NECAP1: variants seen among roughly 807,000 people sequenced by gnomAD.
The protein encoded by NECAP1 is adaptin ear-binding coat-associated protein 1.
NECAP1 carries 13 observed loss-of-function variants against 33.4 expected under a neutral mutation model. The observed-to-expected ratio is 0.39, with a 90% confidence interval of 0.25 to 0.62. The LOEUF (loss-of-function observed/expected upper bound fraction) is 0.62. Among genes scored for constraint, NECAP1 ranks in the 20% least tolerant of loss-of-function variants. The pLI is 0.52. For synonymous variants in NECAP1, 109 were observed against 125.2 expected, an observed-to-expected ratio of 0.87 and a Z score of 0.86; for missense variants, 272 against 347.4, an observed-to-expected ratio of 0.78 and a Z score of 1.73.
chr12:8,095,926 C>G, intron 7 of NECAP1, 116 bp from the exon 8 acceptor site: 2 of 1,347,880 alleles, frequency 1.5e-6, no homozygotes, highest in Non-Finnish European at 2.1e-6. Flanking sequence ...GTAGAATTGC[C>G]ATGAAGTGTG....
intron 1 of NECAP1, among the ~76,000 whole-genome samples, chr12:8,087,849 G>T (rs1025276854): frequency 6.6e-5 from 10 of 152,274 alleles, no homozygotes; most frequent in African/African-American, 1.4e-4. Context: ...AGAGGGAAGA[G>T]AATGGGAAGG....
chr12:8,090,887 T>C (rs1297320517), intron 3 of NECAP1: 2 of 153,738 alleles, frequency 1.3e-5, no homozygotes, highest in Non-Finnish European at 2.9e-5. Flanking sequence ...ATCTTACGTG[T>C]GGGGCAGTCA....
intron 1 of NECAP1, chr12:8,089,657 G>A (rs1031851797): frequency 5.9e-6 from 2 of 340,184 alleles, no homozygotes; most frequent in Non-Finnish European, 1.1e-5. Context: ...CACCATGCTC[G>A]GCCAGAATTT....
chr12:8,086,249 G>A (rs187542774), intron 1 of NECAP1, among the ~76,000 whole-genome samples: 7 of 152,300 alleles, frequency 4.6e-5, no homozygotes, highest in African/African-American at 1.7e-4. Flanking sequence ...TTCACCTAGT[G>A]TAAGCTGTTC....
intron 7 of NECAP1, 30 bp downstream of exon 7, chr12:8,095,733 T>C: frequency 6.4e-7 from 1 of 1,553,066 alleles, no homozygotes; most frequent in Non-Finnish European, 8.9e-7. Context: ...TAGCATACTC[T>C]CAATCAGGGT....
At chr12:8,095,226 A>G (rs1366870509) in intron 6 of NECAP1, 1 of 173,462 alleles carries the variant, frequency 5.8e-6, no homozygotes, top group Admixed American at 5.8e-5. Context: ...ATAAATTCTC[A>G]TCTCCAAGAT....
At chr12:8,090,350 G>A (rs1164839084) in intron 3 of NECAP1, 51 bp downstream of exon 3, 2 of 1,447,666 alleles carry the variant, frequency 1.4e-6, no homozygotes. Flanking sequence ...ACAGGTGAAT[G>A]CACAGCCATG....
intron 6 of NECAP1, 92 bp from the exon 7 acceptor site, chr12:8,095,509 A>G (rs1238330353): frequency 1.1e-5 from 10 of 925,046 alleles, no homozygotes; most frequent in Non-Finnish European, 1.7e-5. Flanking sequence ...CGGCCTCCCA[A>G]AGTGCTGGGA....
intron 1 of NECAP1, among the ~76,000 whole-genome samples, chr12:8,084,697 C>G (rs1209318351): frequency 1.3e-5 from 2 of 152,098 alleles, no homozygotes; most frequent in Non-Finnish European, 2.9e-5. Context: ...TTCCAGGGCT[C>G]TTCATTTTGT....
At chr12:8,090,646 T>C in intron 3 of NECAP1, 1 of 181,972 alleles carries the variant, frequency 5.5e-6, no homozygotes, top group Non-Finnish European at 1.2e-5. Context: ...CTGTCGCTAC[T>C]GAAAATAAAA....
At position 8,092,760 on chromosome 12, in the gene NECAP1, A is replaced by G. The variant is rs11544388; in HGVS notation, c.468A>G (p.Gly156=). The part of the protein sequence containing the change: ...RPKLDLGFKE[G]QTIKLCIGNI... ...AGTTGGATCTGGGCTTCAAGGAAGG[A>G]CAAACCATCAAGTTGTGTATCGGGG... The change falls in exon 5 of 8, where the codon GGA becomes GGG. Residue 156 remains glycine, a synonymous_variant. Coordinates refer to ENST00000339754, the MANE Select transcript of NECAP1 (RefSeq NM_015509.4). The G allele has an allele frequency of 6.2e-7, 1 of 1,613,916 alleles. No individual in the cohort carries two copies. The highest frequency in any genetic ancestry group is 8.5e-7 in the Non-Finnish European group (1 of 1,179,788).
chr12:8,088,627 T>A (rs1231659938), intron 1 of NECAP1, among the ~76,000 whole-genome samples: 4 of 152,330 alleles, frequency 2.6e-5, no homozygotes, highest in South Asian at 2.1e-4. Context: ...TAGTAATCTT[T>A]TTAGAATATA....
chr12:8,085,574 T>C (rs982284919), intron 1 of NECAP1, among the ~76,000 whole-genome samples: 3 of 152,190 alleles, frequency 2.0e-5, no homozygotes, highest in African/African-American at 7.2e-5. Flanking sequence ...TGAATAACGA[T>C]ATTTATTTGC....
At chr12:8,083,728 C>T (rs1449430792) in intron 1 of NECAP1, among the ~76,000 whole-genome samples, 2 of 109,864 alleles carry the variant, frequency 1.8e-5, no homozygotes, top group Non-Finnish European at 3.6e-5. Flanking sequence ...GCCCAGCCGT[C>T]GTTTTTTTTT....
chr12:8,092,623 A>C (rs1336623358), intron 4 of NECAP1, 53 bp from the exon 5 acceptor site: 1 of 1,380,396 alleles, frequency 7.2e-7, no homozygotes, highest in Non-Finnish European at 1.0e-6. Context: ...TTTGTATGTC[A>C]GACTCTGCTT....
At chr12:8,094,497 C>T (rs1947576724) in intron 6 of NECAP1, among the ~76,000 whole-genome samples, 1 of 152,150 alleles carries the variant, frequency 6.6e-6, no homozygotes, top group South Asian at 2.1e-4. Flanking sequence ...GATAGGGTCT[C>T]ACACTGTTGC....
intron 1 of NECAP1, among the ~76,000 whole-genome samples, chr12:8,085,305 A>C (rs560566192): frequency 6.6e-5 from 10 of 152,338 alleles, no homozygotes; most frequent in South Asian, 4.1e-4. Flanking sequence ...GGCGTGAGCC[A>C]CCGCACCCGG....
chr12:8,091,717 G>A (rs1414592629), intron 3 of NECAP1, 52 bp from the exon 4 acceptor site: 10 of 1,547,210 alleles, frequency 6.5e-6, no homozygotes, highest in East Asian at 2.2e-5. Context: ...GGGGTTGGGG[G>A]CTCCTGCCAT....
At chr12:8,085,869 A>C (rs970001268) in intron 1 of NECAP1, among the ~76,000 whole-genome samples, 1 of 151,568 alleles carries the variant, frequency 6.6e-6, no homozygotes, top group Admixed American at 6.6e-5. Context: ...ATGCTTGGCT[A>C]ATTTTTTGTA....
Sources: allele counts gnomAD v4.1 joint callset (sites outside exome capture counted in the v4.1 genomes callset), GRCh38; gene constraint gnomAD v4.1.1; transcripts MANE v1.5; gene names NCBI Gene and HGNC (gene_info 2026-07-23, HGNC 2026-07-21).